Variants in CDH22 observed in about 807,000 individuals in gnomAD.
CDH22 encodes the protein cadherin 22.
Under a neutral mutation model 58.4 loss-of-function variants are expected in CDH22, and 30 were observed. That is an observed-to-expected ratio of 0.51 (90% CI 0.38 to 0.70). CDH22 has a LOEUF of 0.70. Ranked by LOEUF, CDH22 falls within the 30% of genes least tolerant of loss-of-function variation. The pLI, the probability that CDH22 is intolerant of heterozygous loss-of-function variation, is 0.00. For missense variants in CDH22, 1,014 were observed against 1,233.9 expected, an observed-to-expected ratio of 0.82 and a Z score of 2.67; for synonymous variants, 513 against 558.2, an observed-to-expected ratio of 0.92 and a Z score of 1.14.
intron 1 of CDH22, among the ~76,000 whole-genome samples, chr20:46,306,109 C>T (rs929266572): frequency 3.9e-5 from 6 of 152,246 alleles, no homozygotes; most frequent in African/African-American, 1.2e-4. Flanking sequence ...AGCTTTCCTC[C>T]GGCACTGGCC....
chr20:46,287,298 G>A (rs901458983), intron 1 of CDH22, among the ~76,000 whole-genome samples: 1 of 152,148 alleles, frequency 6.6e-6, no homozygotes, highest in Non-Finnish European at 1.5e-5. Flanking sequence ...ATTTACTATG[G>A]AGTAAGAAGT....
chr20:46,190,716 T>G (rs2085857046), intron 8 of CDH22, among the ~76,000 whole-genome samples: 1 of 152,238 alleles, frequency 6.6e-6, no homozygotes. Context: ...TGAGCAGGCC[T>G]GCAGCCTTAA....
intron 1 of CDH22, among the ~76,000 whole-genome samples, chr20:46,269,158 G>A (rs1168484975): frequency 6.6e-6 from 1 of 152,182 alleles, no homozygotes; most frequent in Non-Finnish European, 1.5e-5. Flanking sequence ...GATCTTTCAT[G>A]GTTTGCCACC....
intron 3 of CDH22, among the ~76,000 whole-genome samples, chr20:46,227,980 A>G (rs978551918): frequency 6.7e-6 from 1 of 149,952 alleles, no homozygotes; most frequent in Non-Finnish European, 1.5e-5. Context: ...TGAGGGGATG[A>G]ATTCTAAACT....
intron 1 of CDH22, among the ~76,000 whole-genome samples, chr20:46,303,909 G>A (rs2086663384): frequency 6.6e-6 from 1 of 152,206 alleles, no homozygotes; most frequent in Admixed American, 6.5e-5. Context: ...AGGGGTTGCA[G>A]CGGGAGGGTA....
intron 4 of CDH22, among the ~76,000 whole-genome samples, chr20:46,224,141 C>A (rs1455806630): frequency 6.6e-6 from 1 of 152,204 alleles, no homozygotes; most frequent in Non-Finnish European, 1.5e-5. Context: ...GCATGAGTCA[C>A]CATGCCTGGC....
chr20:46,253,627 C>T (rs2086392048), intron 1 of CDH22, among the ~76,000 whole-genome samples: 2 of 152,140 alleles, frequency 1.3e-5, no homozygotes, highest in South Asian at 2.1e-4. Context: ...GCTTTGATTC[C>T]CTGCATTATG....
rs200495269 is a variant in CDH22 at position 46,282,844 on chromosome 20, TC to T, written c.-400+25410del. On this transcript the variant is annotated intron_variant, in intron 1 of 11. Transcript: ENST00000537909. ...CGTAATCCCTGCCTAATTCTGGGCG[TC>T]ACCATTTGTCAACTTGCTCCCTCGT... Among the ~76,000 whole-genome samples, 509 of 152,244 alleles carry T rather than the reference TC, an allele frequency of 3.3e-3. 7 individuals are homozygous for T. Among genetic ancestry groups the T allele is most frequent in the Admixed American group, 0.021 (319 of 15,306 alleles).
chr20:46,238,933 A>G (rs529338161), intron 3 of CDH22, among the ~76,000 whole-genome samples: 90 of 152,316 alleles, frequency 5.9e-4, no homozygotes, highest in African/African-American at 2.2e-3. Context: ...ATAAAAGGCA[A>G]CGCCCTGGCT....
Position 46,199,481 on chromosome 20 carries a change from C to T in CDH22, c.1365G>A (p.Lys455=). Reference sequence around the variant, plus strand: ...AGCCGGCCGTCTCGCGGTCCAGCCCCTTGCCAGTCACGATGGCGCCTGTGT... The same window carrying T: ...AGCCGGCCGTCTCGCGGTCCAGCCCTTTGCCAGTCACGATGGCGCCTGTGT... ...DADTGAIVTG[K]GLDRETAGWH... Residue 455 remains lysine (K), a synonymous_variant, in exon 8 of 12, where the codon AAG becomes AAA. Coordinates refer to ENST00000537909, the MANE Select transcript of CDH22 (RefSeq NM_021248.3). 6.2e-7 allele frequency: 1 copy of T among 1,613,992 alleles called. No homozygotes were observed. The highest frequency in any genetic ancestry group is 8.5e-7 in the Non-Finnish European group (1 of 1,180,020).
intron 9 of CDH22, 39 bp downstream of exon 9, chr20:46,186,787 C>T (rs201123958): frequency 8.0e-5 from 128 of 1,597,002 alleles, no homozygotes; most frequent in African/African-American, 7.4e-4. Flanking sequence ...GCTGGCCAGT[C>T]CTGGAAGCAA....
chr20:46,273,118 A>G (rs1314942173), intron 1 of CDH22, among the ~76,000 whole-genome samples: 1 of 152,062 alleles, frequency 6.6e-6, no homozygotes, highest in Non-Finnish European at 1.5e-5. Flanking sequence ...TTTGGTGAGA[A>G]TCTCTCACCT....
At chr20:46,281,238 G>T (rs1233989580) in intron 1 of CDH22, among the ~76,000 whole-genome samples, 1 of 152,226 alleles carries the variant, frequency 6.6e-6, no homozygotes, top group Non-Finnish European at 1.5e-5. Flanking sequence ...TAGAGAGACT[G>T]CCTGGAGGCA....
intron 1 of CDH22, among the ~76,000 whole-genome samples, chr20:46,260,165 A>G (rs2086426329): frequency 6.6e-6 from 1 of 152,212 alleles, no homozygotes; most frequent in African/African-American, 2.4e-5. Context: ...TATTCTTAAA[A>G]AAGAGATGCC....
intron 4 of CDH22, among the ~76,000 whole-genome samples, chr20:46,221,286 T>C (rs1044489117): frequency 2.0e-5 from 3 of 151,404 alleles, no homozygotes; most frequent in South Asian, 2.1e-4. Flanking sequence ...TTTTCTTTTT[T>C]TTTTTTTTTT....
At chr20:46,267,930 G>A (rs1046831484) in intron 1 of CDH22, among the ~76,000 whole-genome samples, 27 of 152,238 alleles carry the variant, frequency 1.8e-4, no homozygotes, top group Non-Finnish European at 3.4e-4. Context: ...AGGACCACGT[G>A]GAGGGAGAAG....
rs140424356 is a variant in CDH22 at position 46,292,351 on chromosome 20, C to T, written c.-400+15904G>A. The stretch of plus-strand genomic sequence containing the variant: ...GAGCTGAGGTGGGGTTCGCTCTGCT[C>T]CTAGCTGTGGCACTAGGAAAACAGC... On this transcript the variant is annotated intron_variant, in intron 1 of 11. Coordinates refer to ENST00000537909, the MANE Select transcript of CDH22 (RefSeq NM_021248.3). Among the ~76,000 whole-genome samples the T allele has an allele frequency of 3.7e-3, 571 of 152,318 alleles. 8 individuals carry two copies. The highest frequency in any genetic ancestry group is 0.022 in the Admixed American group (344 of 15,310).
chr20:46,303,697 G>A (rs2086662333), intron 1 of CDH22, among the ~76,000 whole-genome samples: 2 of 152,140 alleles, frequency 1.3e-5, no homozygotes, highest in South Asian at 2.1e-4. Flanking sequence ...AGGTGGAAGG[G>A]CAGGTGGGGC....
At chr20:46,299,871 A>G (rs2086643330) in intron 1 of CDH22, among the ~76,000 whole-genome samples, 1 of 152,224 alleles carries the variant, frequency 6.6e-6, no homozygotes, top group Non-Finnish European at 1.5e-5. Flanking sequence ...AACAGCACAC[A>G]GTAGGGTCAT....
Sources: gnomAD v4.1 joint callset for allele counts (sites outside exome capture counted in the v4.1 genomes callset) on GRCh38, gnomAD v4.1.1 for gene constraint, MANE v1.5 for transcripts, NCBI Gene and HGNC (gene_info 2026-07-23, HGNC 2026-07-21) for gene names.